The following FIG4 variants were observed in gnomAD, a reference collection of about 807,000 sequenced individuals.
The protein encoded by FIG4 is FIG4 phosphoinositide 5-phosphatase.
Under a neutral mutation model 118.6 loss-of-function variants are expected in FIG4, and 112 were observed. That is an observed-to-expected ratio of 0.94 (90% CI 0.81 to 1.11). FIG4 has a LOEUF of 1.11. Among genes scored for constraint, FIG4 ranks in the 50% least tolerant of loss-of-function variants. FIG4 has a pLI of 0.00. For synonymous variants in FIG4, 369 were observed against 381.2 expected, an observed-to-expected ratio of 0.97 and a Z score of 0.37; for missense variants, 969 against 1,111.7, an observed-to-expected ratio of 0.87 and a Z score of 1.83.
At chr6:109,773,484 GA>G (rs1425895930) in intron 15 of FIG4, among the ~76,000 whole-genome samples, 1 of 152,062 alleles carries the variant, frequency 6.6e-6, no homozygotes, top group Non-Finnish European at 1.5e-5. Flanking sequence ...GATCAATTCA[GA>G]AAACCTAGGA....
At chr6:109,743,058 A>G in intron 8 of FIG4, 52 bp from the exon 9 acceptor site, 2 of 1,375,800 alleles carry the variant, frequency 1.5e-6, no homozygotes, top group South Asian at 1.2e-5. Context: ...AAGTTATTTC[A>G]TTAAACATTT....
At chr6:109,755,190 A>T (rs200176810) in intron 10 of FIG4, among the ~76,000 whole-genome samples, 30 of 148,588 alleles carry the variant, frequency 2.0e-4, no homozygotes, top group South Asian at 4.3e-4. Flanking sequence ...TCATTTCGTT[A>T]TGTACCCAGT....
At chr6:109,794,128 T>C (rs1778212481) in intron 21 of FIG4, among the ~76,000 whole-genome samples, 1 of 152,274 alleles carries the variant, frequency 6.6e-6, no homozygotes, top group South Asian at 2.1e-4. Flanking sequence ...TGTCCTAGAA[T>C]AAAATTCTGT....
intron 22 of FIG4, among the ~76,000 whole-genome samples, chr6:109,802,777 A>T (rs1186958155): frequency 1.3e-5 from 2 of 152,250 alleles, no homozygotes; most frequent in African/African-American, 2.4e-5. Context: ...TCCATAGTGG[A>T]TAAAATAAAT....
chr6:109,817,132 G>A lies in FIG4; in HGVS notation c.2547-7956G>A, dbSNP rs547554195. On this transcript the variant is annotated intron_variant, in intron 22 of 22. Transcript: ENST00000230124. ...AGCACTTATGTTCTTTGCCCTTTGAGAACAGCTGTTGTGTGCTTGATGTAC... is the reference window on the plus strand; with the variant it reads ...AGCACTTATGTTCTTTGCCCTTTGAAAACAGCTGTTGTGTGCTTGATGTAC... 6.6e-5 allele frequency among the ~76,000 whole-genome samples: 10 copies of A among 152,336 alleles called. No individual in the cohort carries two copies. The South Asian group carries it at 1.7e-3, about 25-fold the overall frequency.
chr6:109,785,690 TGCGAA>T, intron 17 of FIG4: 1 of 470,960 alleles, frequency 2.1e-6, no homozygotes, highest in South Asian at 1.5e-5. Flanking sequence ...CAAGATCTCC[TGCGAA>T]TCTGGAATGC....
chr6:109,725,376 A>C (rs187075576), intron 3 of FIG4, among the ~76,000 whole-genome samples: 1 of 152,158 alleles, frequency 6.6e-6, no homozygotes, highest in Non-Finnish European at 1.5e-5. Flanking sequence ...TTCCTGTGTC[A>C]GTTTGCTGAG....
chr6:109,786,223 G>A, intron 17 of FIG4, 79 bp from the exon 18 acceptor site: 1 of 1,319,224 alleles, frequency 7.6e-7, no homozygotes, highest in South Asian at 1.2e-5. Flanking sequence ...AGTGCTGTCT[G>A]TGAACACAGT....
At chr6:109,714,363 T>A (rs1315199959) in intron 1 of FIG4, among the ~76,000 whole-genome samples, 2 of 152,204 alleles carry the variant, frequency 1.3e-5, no homozygotes, top group Admixed American at 6.5e-5. Context: ...GAAGATCTGT[T>A]AGGAGTGCTC....
rs1381375238 is a variant in FIG4, at chr6:109,736,953, C to T, written c.647-1372C>T. On this transcript the variant is annotated intron_variant, in intron 6 of 22. Transcript: ENST00000230124. ...TGGCTCCCTTCCATCTTTAAGGCTA[C>T]ATTACATTACCTGACACTCATACTC... Among the ~76,000 whole-genome samples, 7 of 152,094 alleles carry T rather than the reference C, an allele frequency of 4.6e-5. 1 individual carries two copies. Among genetic ancestry groups the T allele is most frequent in the African/African-American group, 1.7e-4 (7 of 41,422 alleles).
At chr6:109,693,985 A>ATG (rs1774632613) in intron 1 of FIG4, among the ~76,000 whole-genome samples, 1 of 146,858 alleles carries the variant, frequency 6.8e-6, no homozygotes, top group Admixed American at 6.8e-5. Flanking sequence ...GCAACTGGAT[A>ATG]AATGCTATGA....
intron 22 of FIG4, among the ~76,000 whole-genome samples, chr6:109,816,969 T>C (rs1289207516): frequency 6.6e-6 from 1 of 152,222 alleles, no homozygotes; most frequent in African/African-American, 2.4e-5. Flanking sequence ...TACCGCTGCT[T>C]CTGTTCTAGG....
intron 5 of FIG4, 28 bp downstream of exon 5, chr6:109,732,715 TCAA>T: frequency 7.3e-7 from 1 of 1,373,870 alleles, no homozygotes; most frequent in Non-Finnish European, 1.0e-6. Flanking sequence ...TTTGCTCCTA[TCAA>T]TCACATAAAC....
chr6:109,738,350 T>A lies in FIG4; in HGVS notation c.672T>A (p.Pro224=), dbSNP rs754129723. 1 of 1,608,588 alleles carries A rather than the reference T, an allele frequency of 6.2e-7. No homozygotes were observed. Among genetic ancestry groups the A allele is most frequent in the Non-Finnish European group, 8.5e-7 (1 of 1,175,188 alleles). ...GSGVFGICSE[P]YMKYVWNGEL... is the part of the protein sequence containing the mutation. ...GGGTATTTGGGATCTGTAGTGAGCC[T>A]TATATGAAATATGTATGGAATGGTG... Residue 224 remains proline (P), a synonymous_variant, in exon 7 of 23, where the codon CCT becomes CCA. Coordinates refer to ENST00000230124, the MANE Select transcript of FIG4 (RefSeq NM_014845.6).
chr6:109,751,104 A>G (rs569283156), intron 10 of FIG4, among the ~76,000 whole-genome samples: 1 of 152,198 alleles, frequency 6.6e-6, no homozygotes, highest in African/African-American at 2.4e-5. Context: ...AGTAATCTCC[A>G]TGATTGAAAA....
chr6:109,804,146 G>T (rs1048357711), intron 22 of FIG4, among the ~76,000 whole-genome samples: 1 of 152,032 alleles, frequency 6.6e-6, no homozygotes, highest in Non-Finnish European at 1.5e-5. Context: ...AGGTTAATCT[G>T]GGGGAGCAGA....
At chr6:109,813,130 C>A (rs2128400736) in intron 22 of FIG4, among the ~76,000 whole-genome samples, 1 of 152,190 alleles carries the variant, frequency 6.6e-6, no homozygotes, top group African/African-American at 2.4e-5. Context: ...TTTATAGGTC[C>A]TTTTAATTTA....
At chr6:109,740,531 TTAAG>T (rs1024781563) in intron 7 of FIG4, among the ~76,000 whole-genome samples, 20 of 152,126 alleles carry the variant, frequency 1.3e-4, no homozygotes, top group African/African-American at 4.8e-4. Context: ...GCTCAGAAAG[TTAAG>T]TAAGGCGACA....
chr6:109,737,328 A>G (rs1776188285), intron 6 of FIG4, among the ~76,000 whole-genome samples: 2 of 152,174 alleles, frequency 1.3e-5, no homozygotes, highest in South Asian at 2.1e-4. Flanking sequence ...TCTGAACAAT[A>G]TCTTTGAGGT....
Sources: allele counts gnomAD v4.1 joint callset (sites outside exome capture counted in the v4.1 genomes callset), GRCh38; gene constraint gnomAD v4.1.1; transcripts MANE v1.5; gene names NCBI Gene and HGNC (gene_info 2026-07-23, HGNC 2026-07-21).